TANC1: variants seen among roughly 807,000 people sequenced by gnomAD.
TANC1 encodes the protein tetratricopeptide repeat, ankyrin repeat and coiled-coil containing 1.
TANC1 carries 77 observed loss-of-function variants against 149.7 expected under a neutral mutation model. The ratio of observed to expected loss-of-function variants is 0.51; its 90% CI spans 0.43 to 0.62. The LOEUF is 0.62. Among genes scored for constraint, TANC1 ranks in the 20% least tolerant of loss-of-function variants. The probability of loss-of-function intolerance (pLI) is 0.00; values close to 1 mark genes in which losing one functional copy is unlikely to be tolerated. For missense variants in TANC1, 1,985 were observed against 2,321.8 expected, an observed-to-expected ratio of 0.85 and a Z score of 2.98; for synonymous variants, 854 against 925.0, an observed-to-expected ratio of 0.92 and a Z score of 1.39.
chr2:159,048,669 T>C (rs2041250152), intron 2 of TANC1, among the ~76,000 whole-genome samples: 1 of 152,364 alleles, frequency 6.6e-6, no homozygotes, highest in Non-Finnish European at 1.5e-5. Context: ...GAAACGACCT[T>C]GTTTATAGCA....
rs548625730 is a variant in TANC1, at chr2:159,143,060, C to A, written c.365-6082C>A. ...CCTGGGCCACAGAGCGAGACTCTGTCTCAAAAAAAAAAAAAAAACAACAAA... is the reference window on the plus strand; with the variant it reads ...CCTGGGCCACAGAGCGAGACTCTGTATCAAAAAAAAAAAAAAAACAACAAA... On this transcript the variant is annotated intron_variant, in intron 5 of 26. Coordinates refer to ENST00000263635, the MANE Select transcript of TANC1 (RefSeq NM_033394.3). 2.5e-4 allele frequency among the ~76,000 whole-genome samples: 7 copies of A among 28,320 alleles called. No homozygotes were observed. The South Asian group carries it at 7.8e-3, about 31-fold the overall frequency. 18.6% of individuals were successfully genotyped at this position (28,320 alleles called of 152,430 possible).
intron 16 of TANC1, among the ~76,000 whole-genome samples, chr2:159,193,931 G>A (rs1451092651): frequency 6.6e-6 from 1 of 151,898 alleles, no homozygotes. Flanking sequence ...TGATCATAGT[G>A]CACTACAGCC....
intron 4 of TANC1, among the ~76,000 whole-genome samples, chr2:159,130,844 C>T (rs2049999434): frequency 6.6e-6 from 1 of 152,200 alleles, no homozygotes; most frequent in South Asian, 2.1e-4. Context: ...CCGTGCCCAA[C>T]TCAGAGTTCC....
chr2:159,226,089 C>G (rs13409288), intron 24 of TANC1: 20,484 of 350,346 alleles, frequency 0.058, 1,587 homozygotes, highest in East Asian at 0.22. Context: ...AGAATTGTTT[C>G]AATCTGGGAG....
At position 159,007,987 on chromosome 2, in the gene TANC1, G is replaced by A. The variant is rs960923241; in HGVS notation, c.-16+6798G>A. ...TTCTTCACAAATTAACATTTTCTAA[G>A]ATTGTCAATCCTTTACGTGTTTCTG... On this transcript the variant is annotated intron_variant, in intron 2 of 26. Transcript: ENST00000263635. Among the ~76,000 whole-genome samples, 19 of 152,310 alleles carry A rather than the reference G, an allele frequency of 1.2e-4. 1 individual carries two copies. Among genetic ancestry groups the A allele is most frequent in the South Asian group, 1.0e-3 (5 of 4,830 alleles).
At chr2:158,993,118 A>G (rs2035827485) in intron 1 of TANC1, among the ~76,000 whole-genome samples, 1 of 152,214 alleles carries the variant, frequency 6.6e-6, no homozygotes, top group Non-Finnish European at 1.5e-5. Flanking sequence ...TTTAAGGTGT[A>G]GGTAAATATG....
chr2:159,023,258 A>G (rs934227235), intron 2 of TANC1, among the ~76,000 whole-genome samples: 2 of 152,194 alleles, frequency 1.3e-5, no homozygotes, highest in Non-Finnish European at 1.5e-5. Flanking sequence ...TCATTCTAGA[A>G]AGAGAGAGAT....
chr2:158,986,761 A>ACAC (rs1263059040), intron 1 of TANC1, among the ~76,000 whole-genome samples: 2 of 152,276 alleles, frequency 1.3e-5, no homozygotes, highest in East Asian at 3.9e-4. Flanking sequence ...CATCTGAGAA[A>ACAC]ATTGCTTGTT....
In TANC1 at chr2:159,230,953, C is replaced by T; in HGVS notation, c.5527C>T (p.His1843Tyr). 3 of 1,614,060 alleles carry T rather than the reference C, an allele frequency of 1.9e-6. No individual in the cohort carries two copies. Among genetic ancestry groups the T allele is most frequent in the Non-Finnish European group, 1.7e-6 (2 of 1,180,024 alleles). ...KQQPHISNEA[H>Y]RSHLTAAKPK... ...GCAGCCTCATATTAGTAATGAAGCC[C>T]ACAGGAGCCACCTCACTGCAGCCAA... The change falls in exon 27 of 27, where the codon CAC becomes TAC. Residue 1843 changes from histidine (H) to tyrosine (Y), a missense_variant. Coordinates refer to ENST00000263635, the MANE Select transcript of TANC1 (RefSeq NM_033394.3). The surrounding 1 kb of genome is among the most constrained non-coding windows in gnomAD (Gnocchi z 4.4).
chr2:159,063,195 A>G (rs1246641623), intron 2 of TANC1, among the ~76,000 whole-genome samples: 1 of 152,176 alleles, frequency 6.6e-6, no homozygotes, highest in Admixed American at 6.5e-5. Context: ...AAGTAGTTGT[A>G]TCATGCCAAT....
chr2:159,168,344 G>C (rs757356471), intron 8 of TANC1, among the ~76,000 whole-genome samples: 116 of 139,828 alleles, frequency 8.3e-4, no homozygotes, highest in Non-Finnish European at 1.1e-3. Context: ...CTGTCACCCA[G>C]GCTGGAGTGT....
In TANC1 at chr2:159,230,149, G is replaced by T; in HGVS notation, c.4723G>T (p.Ala1575Ser). 1 of 1,614,090 alleles carries T rather than the reference G, an allele frequency of 6.2e-7. No individual in the cohort carries two copies. The highest frequency in any genetic ancestry group is 8.5e-7 in the Non-Finnish European group (1 of 1,180,038). The change falls in exon 27 of 27, where the codon GCT (alanine) becomes TCT (serine). Residue 1575 changes from alanine (A) to serine (S), a missense_variant. Coordinates refer to ENST00000263635, the MANE Select transcript of TANC1 (RefSeq NM_033394.3). The surrounding 1 kb of genome is among the most constrained non-coding windows in gnomAD (Gnocchi z 4.4). ...GCCAGGGAGAATCGCTGCCACTCCT[G>T]CTGGGAGCAGAACCCAGCATTTAGA... ...PMPGRIAATP[A>S]GSRTQHLEGT...
intron 19 of TANC1, among the ~76,000 whole-genome samples, chr2:159,206,466 T>C (rs568041142): frequency 1.3e-5 from 2 of 152,298 alleles, no homozygotes; most frequent in African/African-American, 2.4e-5. Flanking sequence ...TAGGGCAGGC[T>C]GAGTGGCCAG....
At chr2:159,194,139 A>C (rs1340821490) in intron 16 of TANC1, 118 bp from the exon 17 acceptor site, 2 of 776,378 alleles carry the variant, frequency 2.6e-6, no homozygotes, top group Non-Finnish European at 2.3e-6. Flanking sequence ...ACTGGTGCAC[A>C]TTCAAGTTTG....
At chr2:159,152,948 C>T (rs1380872284) in intron 7 of TANC1, among the ~76,000 whole-genome samples, 1 of 152,180 alleles carries the variant, frequency 6.6e-6, no homozygotes, top group Non-Finnish European at 1.5e-5. Flanking sequence ...GTTCTTAATA[C>T]TTAATCTCAT....
At chr2:159,200,013 A>T (rs1371405827) in intron 19 of TANC1, among the ~76,000 whole-genome samples, 2 of 152,222 alleles carry the variant, frequency 1.3e-5, no homozygotes, top group Non-Finnish European at 2.9e-5. Context: ...GGCGCAGAGA[A>T]AGTACAGAAT....
At position 158,992,364 on chromosome 2, in the gene TANC1, CA is replaced by C. The variant is rs34780271; in HGVS notation, c.-125-8702del. On this transcript the variant is annotated intron_variant, in intron 1 of 26. Coordinates refer to ENST00000263635, the MANE Select transcript of TANC1 (RefSeq NM_033394.3). Reference sequence around the variant, plus strand: ...TGGGCTACAGACTGATACCCTGTCTCAAAAAAAAAAAAAAGAAAGTGTTTAA... The same window carrying C: ...TGGGCTACAGACTGATACCCTGTCTCAAAAAAAAAAAAAGAAAGTGTTTAA... Among the ~76,000 whole-genome samples the C allele has an allele frequency of 6.4e-3, 841 of 132,152 alleles. 2 individuals are homozygous for C. The highest frequency in any genetic ancestry group is 7.8e-3 in the Non-Finnish European group (482 of 61,444). 86.7% of individuals were successfully genotyped at this position (132,152 alleles called of 152,430 possible).
intron 2 of TANC1, among the ~76,000 whole-genome samples, chr2:159,005,112 T>G (rs1289118844): frequency 6.6e-6 from 1 of 152,218 alleles, no homozygotes; most frequent in Admixed American, 6.5e-5. Context: ...TTTTCTGCCC[T>G]GGGTGGGCCA....
At chr2:159,045,111 T>C (rs1229933297) in intron 2 of TANC1, among the ~76,000 whole-genome samples, 2 of 152,170 alleles carry the variant, frequency 1.3e-5, no homozygotes, top group Non-Finnish European at 2.9e-5. Flanking sequence ...TGCTGTGTTG[T>C]TGTTGTTGTT....
Sources: allele counts gnomAD v4.1 joint callset (sites outside exome capture counted in the v4.1 genomes callset), GRCh38; gene constraint gnomAD v4.1.1; non-coding constraint Gnocchi (gnomAD v3.1); transcripts MANE v1.5; gene names NCBI Gene and HGNC (gene_info 2026-07-23, HGNC 2026-07-21).